AMBRA1: variants seen among roughly 807,000 people sequenced by gnomAD.
AMBRA1 encodes the protein autophagy and beclin 1 regulator 1.
A neutral mutation model predicts 125.4 loss-of-function variants in AMBRA1; 47 were observed. That is an observed-to-expected ratio of 0.37 (90% CI 0.30 to 0.48). The LOEUF (loss-of-function observed/expected upper bound fraction) is 0.48. AMBRA1 is among the 20% of genes least tolerant of loss of function. The probability of loss-of-function intolerance (pLI) is 0.99; values close to 1 mark genes in which losing one functional copy is unlikely to be tolerated. For missense variants in AMBRA1, 1,331 were observed against 1,693.4 expected (o/e 0.79, Z 3.76); for synonymous variants, 626 against 655.5 (o/e 0.95, Z 0.69).
chr11:46,560,520 G>A (rs1306021451), intron 1 of AMBRA1, among the ~76,000 whole-genome samples: 1 of 152,050 alleles, frequency 6.6e-6, no homozygotes, highest in Non-Finnish European at 1.5e-5. Flanking sequence ...GAAATAGAAA[G>A]CAATAAGACC....
intron 11 of AMBRA1, among the ~76,000 whole-genome samples, chr11:46,485,031 G>A (rs563720682): frequency 1.3e-4 from 20 of 150,668 alleles, no homozygotes; most frequent in Admixed American, 2.0e-4. Context: ...TTTGCCTCCC[G>A]GGTTCAAGCG....
intron 11 of AMBRA1, among the ~76,000 whole-genome samples, chr11:46,490,573 C>T (rs1364838054): frequency 6.6e-6 from 1 of 152,034 alleles, no homozygotes; most frequent in Non-Finnish European, 1.5e-5. Context: ...AATGGCTTTG[C>T]TTAGGGTCCA....
intron 1 of AMBRA1, among the ~76,000 whole-genome samples, chr11:46,561,466 T>C (rs1479406070): frequency 1.3e-5 from 2 of 149,310 alleles, no homozygotes; most frequent in East Asian, 3.9e-4. Context: ...CTAGGACAGA[T>C]GTGATTACTC....
intron 1 of AMBRA1, among the ~76,000 whole-genome samples, chr11:46,590,683 C>T (rs2044564801): frequency 3.9e-5 from 6 of 151,990 alleles, no homozygotes. Context: ...GAAATGTCAA[C>T]AGAGAACCCA....
At chr11:46,544,274 A>G (rs1952892358) in intron 5 of AMBRA1, among the ~76,000 whole-genome samples, 1 of 152,234 alleles carries the variant, frequency 6.6e-6, no homozygotes, top group Admixed American at 6.5e-5. Flanking sequence ...CATGAAAAAC[A>G]CCTAGAGTTG....
At chr11:46,417,355 T>C (rs1192319820) in intron 15 of AMBRA1, among the ~76,000 whole-genome samples, 2 of 152,114 alleles carry the variant, frequency 1.3e-5, no homozygotes, top group Non-Finnish European at 2.9e-5. Flanking sequence ...CAGCCCCAAA[T>C]TGAGCTTTTC....
chr11:46,405,951 T>G (rs1028861139), intron 17 of AMBRA1, among the ~76,000 whole-genome samples: 2 of 151,934 alleles, frequency 1.3e-5, no homozygotes, highest in Non-Finnish European at 2.9e-5. Flanking sequence ...CAGGCTGGTC[T>G]TGAACTCCAG....
chr11:46,515,790 C>T (rs1173732571), intron 7 of AMBRA1, among the ~76,000 whole-genome samples: 1 of 152,194 alleles, frequency 6.6e-6, no homozygotes, highest in Non-Finnish European at 1.5e-5. Context: ...ATTCTCCTGC[C>T]TCAGCCTCCT....
chr11:46,446,792 T>C (rs900107344), intron 11 of AMBRA1, among the ~76,000 whole-genome samples: 3 of 152,202 alleles, frequency 2.0e-5, no homozygotes, highest in Non-Finnish European at 4.4e-5. Flanking sequence ...AACTCCAGGG[T>C]AGGTGCTCTT....
chr11:46,446,384 A>G (rs1328070073), intron 11 of AMBRA1, among the ~76,000 whole-genome samples: 1 of 152,250 alleles, frequency 6.6e-6, no homozygotes, highest in African/African-American at 2.4e-5. Flanking sequence ...ACTAAGATGA[A>G]GGCAGGAAAT....
At chr11:46,551,169 T>C (rs1464701161) in intron 1 of AMBRA1, among the ~76,000 whole-genome samples, 1 of 146,356 alleles carries the variant, frequency 6.8e-6, no homozygotes, top group Non-Finnish European at 1.5e-5. Context: ...TACAAAACAA[T>C]ATATCGAGTA....
intron 1 of AMBRA1, among the ~76,000 whole-genome samples, chr11:46,583,650 TCC>T (rs1196494449): frequency 0.023 from 418 of 18,026 alleles, 30 homozygotes; most frequent in African/African-American, 0.034. Flanking sequence ...CAAACAAATT[TCC>T]AAAAAAAAAA....
At chr11:46,513,447 AC>A (rs1282338077) in intron 7 of AMBRA1, among the ~76,000 whole-genome samples, 1 of 152,150 alleles carries the variant, frequency 6.6e-6, no homozygotes, top group African/African-American at 2.4e-5. Context: ...TTTATTGAAC[AC>A]TTTTTTTGAT....
chr11:46,527,545 A>T (rs1418155074), intron 7 of AMBRA1, among the ~76,000 whole-genome samples: 1 of 150,522 alleles, frequency 6.6e-6, no homozygotes, highest in Non-Finnish European at 1.5e-5. Flanking sequence ...CTAACCATAT[A>T]TCAGATAAAT....
intron 14 of AMBRA1, among the ~76,000 whole-genome samples, chr11:46,432,360 C>A (rs1947496384): frequency 6.6e-6 from 1 of 152,034 alleles, no homozygotes; most frequent in Non-Finnish European, 1.5e-5. Context: ...AGTAAAGGTA[C>A]CCTGGCAAGA....
chr11:46,553,477 T>TGG, intron 1 of AMBRA1, among the ~76,000 whole-genome samples: 1 of 152,146 alleles, frequency 6.6e-6, no homozygotes, highest in East Asian at 2.0e-4. Context: ...CCAGGTGCAG[T>TGG]GGCTCACACC....
chr11:46,539,487 A>C (rs1952635029), intron 7 of AMBRA1, among the ~76,000 whole-genome samples: 1 of 151,628 alleles, frequency 6.6e-6, no homozygotes, highest in East Asian at 1.9e-4. Flanking sequence ...AACCCAGGAG[A>C]TGGAGGTTGT....
intron 1 of AMBRA1, among the ~76,000 whole-genome samples, chr11:46,580,921 AGCT>A (rs1239806111): frequency 4.6e-5 from 7 of 151,988 alleles, no homozygotes; most frequent in Non-Finnish European, 8.8e-5. Flanking sequence ...CCTCTTGAGT[AGCT>A]GTAAGCACAG....
At chr11:46,561,909 G>T (rs1222242147) in intron 1 of AMBRA1, among the ~76,000 whole-genome samples, 1 of 152,060 alleles carries the variant, frequency 6.6e-6, no homozygotes, top group South Asian at 2.1e-4. Flanking sequence ...CTTAAAGATG[G>T]GGAAGGATGT....
Sources: allele counts gnomAD v4.1 joint callset (sites outside exome capture counted in the v4.1 genomes callset), GRCh38; gene constraint gnomAD v4.1.1; transcripts MANE v1.5; gene names NCBI Gene and HGNC (gene_info 2026-07-23, HGNC 2026-07-21).